ELAVL4: variants seen among roughly 807,000 people sequenced by gnomAD.
ELAVL4 encodes ELAV-like protein 4.
ELAVL4 carries 1 observed loss-of-function variant against 35.6 expected under a neutral mutation model. The observed-to-expected ratio is 0.03, with a 90% CI of 0.01 to 0.13. The LOEUF (loss-of-function observed/expected upper bound fraction) is 0.13. Ranked by LOEUF, ELAVL4 falls within the 10% of genes least tolerant of loss-of-function variation. The probability of loss-of-function intolerance (pLI) is 1.00; values close to 1 mark genes in which losing one functional copy is unlikely to be tolerated. For synonymous variants in ELAVL4, 156 were observed against 171.0 expected, an observed-to-expected ratio of 0.91 and a Z score of 0.69; for missense variants, 267 against 464.9, an observed-to-expected ratio of 0.57 and a Z score of 3.91.
chr1:50,115,565 A>G (rs551764596), intron 1 of ELAVL4, among the ~76,000 whole-genome samples: 2 of 152,124 alleles, frequency 1.3e-5, no homozygotes, highest in South Asian at 4.1e-4. Flanking sequence ...TAGTTCATAA[A>G]TATTTTTTCC....
chr1:50,162,205 G>A (rs889667729), intron 2 of ELAVL4, among the ~76,000 whole-genome samples: 12 of 152,080 alleles, frequency 7.9e-5, no homozygotes, highest in South Asian at 2.1e-4. Context: ...ATACTGACTG[G>A]CACTCACAAA....
intron 2 of ELAVL4, among the ~76,000 whole-genome samples, chr1:50,153,639 G>A (rs773004725): frequency 6.6e-6 from 1 of 152,214 alleles, no homozygotes; most frequent in African/African-American, 2.4e-5. Context: ...TAGATTGTAG[G>A]AGACCAGTCC....
intron 6 of ELAVL4, among the ~76,000 whole-genome samples, chr1:50,197,782 T>C (rs1262614234): frequency 6.6e-6 from 1 of 152,276 alleles, no homozygotes; most frequent in East Asian, 1.9e-4. Context: ...AGGCTCCGAC[T>C]CTTTGCTGGC....
intron 1 of ELAVL4, among the ~76,000 whole-genome samples, chr1:50,050,521 A>ATTTG (rs1663295980): frequency 6.6e-6 from 1 of 152,236 alleles, no homozygotes; most frequent in Admixed American, 6.5e-5. Flanking sequence ...AGATGTGTTA[A>ATTTG]GTACATGCCT....
intron 1 of ELAVL4, among the ~76,000 whole-genome samples, chr1:50,054,640 G>C (rs751844647): frequency 1.3e-5 from 2 of 152,062 alleles, no homozygotes; most frequent in Admixed American, 6.6e-5. Context: ...AGTTTACAAA[G>C]TATTTTTACA....
chr1:50,164,819 T>C (rs1677454236), intron 2 of ELAVL4, among the ~76,000 whole-genome samples: 1 of 152,206 alleles, frequency 6.6e-6, no homozygotes, highest in African/African-American at 2.4e-5. Flanking sequence ...TTTGGGAGAC[T>C]GAAGGTAGTT....
At chr1:50,048,746 G>A (rs77546597) in intron 1 of ELAVL4, among the ~76,000 whole-genome samples, 5 of 152,324 alleles carry the variant, frequency 3.3e-5, no homozygotes, top group Non-Finnish European at 5.9e-5. Flanking sequence ...ACACCCCGCT[G>A]TGGACCTGGG....
intron 1 of ELAVL4, among the ~76,000 whole-genome samples, chr1:50,073,453 A>G (rs1052463332): frequency 6.6e-6 from 1 of 152,168 alleles, no homozygotes; most frequent in Non-Finnish European, 1.5e-5. Flanking sequence ...AAAGCAAAGT[A>G]ATAAAAACCC....
intron 2 of ELAVL4, among the ~76,000 whole-genome samples, chr1:50,151,181 A>G (rs570574855): frequency 6.6e-6 from 1 of 152,338 alleles, no homozygotes; most frequent in East Asian, 1.9e-4. Context: ...GTGAATTGTC[A>G]AATTTATACT....
chr1:50,082,874 A>C (rs1665071750), intron 1 of ELAVL4, among the ~76,000 whole-genome samples: 1 of 152,064 alleles, frequency 6.6e-6, no homozygotes, highest in Non-Finnish European at 1.5e-5. Context: ...CTAACTATGT[A>C]CCTATGTACC....
chr1:50,079,936 C>A (rs1355817907), intron 1 of ELAVL4, among the ~76,000 whole-genome samples: 3 of 152,132 alleles, frequency 2.0e-5, no homozygotes, highest in Non-Finnish European at 4.4e-5. Flanking sequence ...CTCCCTCTCT[C>A]TTTTGTTATT....
rs1257044037 is a variant in ELAVL4 at position 50,201,247 on chromosome 1, A to G, written c.*69A>G. 7.0e-7 allele frequency: 1 copy of G among 1,438,310 alleles called. No individual in the cohort carries two copies. Among genetic ancestry groups the G allele is most frequent in the Non-Finnish European group, 9.2e-7 (1 of 1,091,824 alleles). The allele number at this position is 1,438,310 out of a possible 1,614,324, so 89.1% of individuals were successfully genotyped here. The stretch of plus-strand genomic sequence containing the variant: ...GAACAAAACACACGCGCGCACACAC[A>G]CACATACACGAAAGAGAGAGAAACA... On this transcript the variant is annotated 3_prime_UTR_variant, in exon 7 of 7. Transcript: ENST00000371824. The surrounding 1 kb of genome is among the most constrained non-coding windows in gnomAD (Gnocchi z 4.3).
At chr1:50,077,816 C>T (rs1448146005) in intron 1 of ELAVL4, among the ~76,000 whole-genome samples, 1 of 152,152 alleles carries the variant, frequency 6.6e-6, no homozygotes, top group Non-Finnish European at 1.5e-5. Flanking sequence ...TTTGGTCTTA[C>T]TAGCATTATC....
chr1:50,079,738 A>G (rs1664925909), intron 1 of ELAVL4, among the ~76,000 whole-genome samples: 2 of 152,230 alleles, frequency 1.3e-5, no homozygotes, highest in African/African-American at 2.4e-5. Flanking sequence ...TGATACATGT[A>G]AAAGCATACT....
chr1:50,173,852 G>C (rs1188063900), intron 2 of ELAVL4, among the ~76,000 whole-genome samples: 1 of 152,118 alleles, frequency 6.6e-6, no homozygotes, highest in African/African-American at 2.4e-5. Context: ...AAAAAAGAAA[G>C]AGTAATAAAA....
chr1:50,128,196 T>G (rs1465330589), intron 1 of ELAVL4, among the ~76,000 whole-genome samples: 7 of 152,128 alleles, frequency 4.6e-5, no homozygotes, highest in Non-Finnish European at 1.0e-4. Context: ...GCTGTAAACA[T>G]GGCCTTACTT....
At chr1:50,108,891 C>A, upstream of ELAVL4, 1 of 1,064,916 alleles carries the variant, frequency 9.4e-7, no homozygotes, top group Non-Finnish European at 1.1e-6. Context: ...CAGATGGTCC[C>A]ATAAATGGAT....
In ELAVL4 at chr1:50,114,655, G is replaced by A. The variant is rs751884391; in HGVS notation, c.9+5457G>A. 8.5e-5 allele frequency among the ~76,000 whole-genome samples: 13 copies of A among 152,192 alleles called. No homozygotes were observed. In the East Asian group the frequency reaches 1.2e-3, roughly 14 times the overall value. On this transcript the variant is annotated intron_variant, in intron 1 of 6. Coordinates refer to ENST00000371824, the MANE Select transcript of ELAVL4 (RefSeq NM_001144774.3). ...TGAACTGGTGCAGTGCAAGATGCCC[G>A]ATAATTTCTCTGAACCTTGACTTTG...
intron 1 of ELAVL4, among the ~76,000 whole-genome samples, chr1:50,055,961 G>A (rs763269659): frequency 6.6e-6 from 1 of 152,178 alleles, no homozygotes; most frequent in Non-Finnish European, 1.5e-5. Context: ...GCTGCTGGAG[G>A]TTTGAGTAGG....
Sources: allele counts gnomAD v4.1 joint callset (sites outside exome capture counted in the v4.1 genomes callset), GRCh38; gene constraint gnomAD v4.1.1; non-coding constraint Gnocchi (gnomAD v3.1); transcripts MANE v1.5; gene names NCBI Gene and HGNC (gene_info 2026-07-23, HGNC 2026-07-21).